WNT7A: variants seen among roughly 807,000 people sequenced by gnomAD.
WNT7A encodes the protein Wnt family member 7A, also known as protein Wnt-7a.
In WNT7A, 16 loss-of-function variants were observed where a neutral mutation model predicts 28.2. The ratio of observed to expected loss-of-function variants is 0.57; its 90% CI spans 0.38 to 0.86. The LOEUF is 0.86. Among genes scored for constraint, WNT7A ranks in the 40% least tolerant of loss-of-function variants. WNT7A has a pLI of 0.00. For missense variants in WNT7A, 411 were observed against 489.7 expected, an observed-to-expected ratio of 0.84 and a Z score of 1.52; for synonymous variants, 190 against 195.9, an observed-to-expected ratio of 0.97 and a Z score of 0.25.
chr3:13,873,501 G>C (rs1223139064), intron 2 of WNT7A, among the ~76,000 whole-genome samples: 1 of 152,120 alleles, frequency 6.6e-6, no homozygotes, highest in African/African-American at 2.4e-5. Context: ...CTACAGTTCT[G>C]TAAGGTGCAA....
At chr3:13,850,446 C>T (rs988368523) in intron 3 of WNT7A, among the ~76,000 whole-genome samples, 10 of 152,090 alleles carry the variant, frequency 6.6e-5, no homozygotes, top group East Asian at 1.9e-4. Flanking sequence ...CCGGACCAGA[C>T]GGGGCAGGGC....
In WNT7A at chr3:13,818,548, C is replaced by T. The variant is rs1400941222; in HGVS notation, c.*396G>A. The T allele has an allele frequency of 6.5e-6, 1 of 152,824 alleles. No homozygotes were observed. The allele number at this position is 152,824 out of a possible 1,614,324, so 9.5% of individuals were successfully genotyped here. On this transcript the variant is annotated 3_prime_UTR_variant, in exon 4 of 4. Transcript: ENST00000285018. ...AAAATCATCCTGCTAGGAAAGCAAG[C>T]AGTCCACTTTGATTGCAGAAAACGG...
rs1695179201 is a variant in WNT7A at position 13,879,771 on chromosome 3, G to T, written c.46C>A (p.Leu16Met). Residue 16 changes from leucine to methionine, a missense_variant, in exon 1 of 4, where the codon CTG (leucine) becomes ATG (methionine). Coordinates refer to ENST00000285018, the MANE Select transcript of WNT7A (RefSeq NM_004625.4). Reference protein sequence around the residue: ...RRCLGHLFLSLGMVYLRIGGF... With the variant: ...RRCLGHLFLSMGMVYLRIGGF... Reference sequence around the variant, plus strand: ...CCGATCCGGAGGTAGACCATGCCCAGGCTGAGAAAGAGGTGGCCCAGGCAG... The same window carrying T: ...CCGATCCGGAGGTAGACCATGCCCATGCTGAGAAAGAGGTGGCCCAGGCAG... 6.2e-7 allele frequency: 1 copy of T among 1,612,694 alleles called. No individual in the cohort carries two copies. The highest frequency in any genetic ancestry group is 1.1e-5 in the South Asian group (1 of 90,942).
intron 3 of WNT7A, among the ~76,000 whole-genome samples, chr3:13,838,461 G>C (rs989294233): frequency 6.6e-6 from 1 of 152,244 alleles, no homozygotes; most frequent in African/African-American, 2.4e-5. Flanking sequence ...TCTGCCACCT[G>C]TTGGCTGGGT....
intron 2 of WNT7A, among the ~76,000 whole-genome samples, chr3:13,857,635 C>T (rs1343355601): frequency 6.6e-6 from 1 of 152,126 alleles, no homozygotes; most frequent in African/African-American, 2.4e-5. Context: ...TCCAGTGATT[C>T]CCCGAGAGCC....
At chr3:13,870,325 T>A (rs887155309) in intron 2 of WNT7A, among the ~76,000 whole-genome samples, 1 of 152,144 alleles carries the variant, frequency 6.6e-6, no homozygotes, top group African/African-American at 2.4e-5. Flanking sequence ...CTGGGGCACA[T>A]ATACAAGGGG....
chr3:13,856,911 G>GAAA (rs1559303238), intron 2 of WNT7A, among the ~76,000 whole-genome samples: 4 of 83,360 alleles, frequency 4.8e-5, no homozygotes, highest in African/African-American at 1.3e-4. Context: ...AGAAGAAGAA[G>GAAA]AAGAAGAAGA....
intron 3 of WNT7A, among the ~76,000 whole-genome samples, chr3:13,847,006 C>T (rs1195863609): frequency 6.6e-6 from 1 of 152,208 alleles, no homozygotes. Context: ...GCCGCCCCTG[C>T]CCCTACCCAT....
chr3:13,861,356 A>G (rs1050741270), intron 2 of WNT7A, among the ~76,000 whole-genome samples: 2 of 152,172 alleles, frequency 1.3e-5, no homozygotes, highest in African/African-American at 2.4e-5. Flanking sequence ...CTCCCTGACC[A>G]AGCCGTCTGT....
intron 3 of WNT7A, among the ~76,000 whole-genome samples, chr3:13,835,028 G>C (rs565514787): frequency 7.6e-4 from 115 of 152,316 alleles, no homozygotes; most frequent in African/African-American, 2.6e-3. Context: ...CTTGAGCTGA[G>C]AACCAGACGT....
intron 2 of WNT7A, among the ~76,000 whole-genome samples, chr3:13,861,292 C>T (rs933564418): frequency 6.6e-6 from 1 of 152,224 alleles, no homozygotes; most frequent in Non-Finnish European, 1.5e-5. Flanking sequence ...CTGCCCCTCC[C>T]TCCTGCCCAG....
At chr3:13,879,367 G>C (rs1695169545) in intron 1 of WNT7A, among the ~76,000 whole-genome samples, 1 of 152,190 alleles carries the variant, frequency 6.6e-6, no homozygotes, top group Admixed American at 6.5e-5. Context: ...CCCGAGATTG[G>C]CTGTGGTCCT....
chr3:13,858,700 G>A (rs1056837788), intron 2 of WNT7A, among the ~76,000 whole-genome samples: 6 of 152,136 alleles, frequency 3.9e-5, no homozygotes, highest in African/African-American at 1.2e-4. Flanking sequence ...AGCGAAGGCT[G>A]TAGTCAAGAC....
chr3:13,834,578 A>T (rs529298169), intron 3 of WNT7A, among the ~76,000 whole-genome samples: 2 of 152,050 alleles, frequency 1.3e-5, no homozygotes, highest in South Asian at 2.1e-4. Context: ...CATGCTGGTC[A>T]CAGTGGGTTC....
chr3:13,819,081 C>T lies in WNT7A; in HGVS notation c.913G>A (p.Asp305Asn). 1 of 1,614,152 alleles carries T rather than the reference C, an allele frequency of 6.2e-7. No individual in the cohort carries two copies. Among genetic ancestry groups the T allele is most frequent in the Non-Finnish European group, 8.5e-7 (1 of 1,180,002 alleles). ...TAGCCACGCCCACAGCACATGAGGT[C>T]ACAGCCGCTGGCCTGGGGAGCCGTC... The part of the protein sequence containing the change: ...NKTAPQASGC[D>N]LMCCGRGYNT... Residue 305 changes from aspartate to asparagine, a missense_variant, in exon 4 of 4, where the codon GAC becomes AAC. Asp to Asn is a conservative substitution (Grantham distance 23). Coordinates refer to ENST00000285018, the MANE Select transcript of WNT7A (RefSeq NM_004625.4).
chr3:13,850,905 A>G (rs1037060269), intron 3 of WNT7A, among the ~76,000 whole-genome samples: 3 of 149,924 alleles, frequency 2.0e-5, no homozygotes, highest in Non-Finnish European at 3.0e-5. Context: ...TTCTCCTCCA[A>G]CCTCCCTGAC....
chr3:13,854,018 C>G (rs1245766691), intron 3 of WNT7A, among the ~76,000 whole-genome samples: 1 of 152,128 alleles, frequency 6.6e-6, no homozygotes, highest in Non-Finnish European at 1.5e-5. Flanking sequence ...TGAGACTAGA[C>G]AGGCAGGGCC....
At chr3:13,832,031 T>G (rs1412932362) in intron 3 of WNT7A, among the ~76,000 whole-genome samples, 1 of 151,922 alleles carries the variant, frequency 6.6e-6, no homozygotes, top group Non-Finnish European at 1.5e-5. Context: ...CCAGGATAGG[T>G]GCTACAGGCT....
At chr3:13,819,997 C>T (rs1354322875) in intron 3 of WNT7A, among the ~76,000 whole-genome samples, 2 of 152,222 alleles carry the variant, frequency 1.3e-5, no homozygotes, top group African/African-American at 4.8e-5. Flanking sequence ...AGGTTATTTT[C>T]AGTGTACTTT....
Sources: gnomAD v4.1 joint callset for allele counts (sites outside exome capture counted in the v4.1 genomes callset) on GRCh38, gnomAD v4.1.1 for gene constraint, MANE v1.5 for transcripts, NCBI Gene and HGNC (gene_info 2026-07-23, HGNC 2026-07-21) for gene names.